PLXNA4: variants seen among roughly 807,000 people sequenced by gnomAD.
The protein encoded by PLXNA4 is plexin-A4.
Under a neutral mutation model 191.8 loss-of-function variants are expected in PLXNA4, and 44 were observed. That is an observed-to-expected ratio of 0.23 (90% CI 0.18 to 0.29). The LOEUF is 0.29. PLXNA4 is among the 10% of genes least tolerant of loss of function. The pLI, the probability that PLXNA4 is intolerant of heterozygous loss-of-function variation, is 1.00. For synonymous variants in PLXNA4, 1,082 were observed against 1,009.5 expected, an observed-to-expected ratio of 1.07 and a Z score of -1.36; for missense variants, 1,800 against 2,488.8, an observed-to-expected ratio of 0.72 and a Z score of 5.89.
At position 132,187,523 on chromosome 7, in the gene PLXNA4, C is replaced by A. The variant is rs756321086; in HGVS notation, c.2941G>T (p.Ala981Ser). 1.9e-6 allele frequency: 3 copies of A among 1,614,168 alleles called. No individual in the cohort carries two copies. The East Asian group carries it at 6.7e-5, about 36-fold the overall frequency. ...QVTITGTNLN[A>S]GSNVVVMFGK... ...AACATCACCACCACGTTGCTTCCGG[C>A]ATTCAGGTTGGTGCCTGTGATGGTC... Residue 981 changes from alanine to serine, a missense_variant, in exon 15 of 32, where the codon GCC becomes TCC. Ala to Ser is a moderately conservative substitution (Grantham distance 99). Coordinates refer to ENST00000321063, the MANE Select transcript of PLXNA4 (RefSeq NM_020911.2).
At chr7:132,334,554 C>A (rs370444168) in intron 3 of PLXNA4, among the ~76,000 whole-genome samples, 15 of 152,094 alleles carry the variant, frequency 9.9e-5, no homozygotes, top group African/African-American at 3.4e-4. Flanking sequence ...CTTACAGGTG[C>A]CCAGCTGAGA....
chr7:132,599,989 T>G (rs527626648), intron 2 of PLXNA4, among the ~76,000 whole-genome samples: 15 of 152,332 alleles, frequency 9.8e-5, no homozygotes, highest in African/African-American at 2.9e-4. Context: ...GTTAATAGAT[T>G]TTTCTTTTGT....
At chr7:132,196,456 T>C (rs1797257850) in intron 13 of PLXNA4, among the ~76,000 whole-genome samples, 2 of 152,274 alleles carry the variant, frequency 1.3e-5, no homozygotes, top group Non-Finnish European at 1.5e-5. Flanking sequence ...GATTCTTCTA[T>C]AATATCAGAT....
intron 4 of PLXNA4, among the ~76,000 whole-genome samples, chr7:132,270,267 G>A (rs1231575168): frequency 6.6e-6 from 1 of 152,050 alleles, no homozygotes; most frequent in Admixed American, 6.6e-5. Flanking sequence ...TATATACCGC[G>A]GGAATAGTTT....
chr7:132,342,939 T>G (rs1472813079), intron 3 of PLXNA4, among the ~76,000 whole-genome samples: 1 of 121,774 alleles, frequency 8.2e-6, no homozygotes, highest in African/African-American at 3.5e-5. Context: ...AGAGTGAGAC[T>G]CTGCCTCAAA....
rs377241563 is a variant in PLXNA4 at position 132,174,856 on chromosome 7, C to T, written c.3939G>A (p.Pro1313=). ...LTSDLDGAGI[P]FLDYRTYTMR... is the part of the protein sequence containing the mutation. Reference sequence around the variant, plus strand: ...TGGTGTAAGTTCTATAGTCCAGGAACGGAATCCCGGCTCCATCCAGGTCAC... The same window carrying T: ...TGGTGTAAGTTCTATAGTCCAGGAATGGAATCCCGGCTCCATCCAGGTCAC... The change falls in exon 21 of 32, where the codon CCG becomes CCA. Residue 1313 remains proline (P), a synonymous_variant. Coordinates refer to ENST00000321063, the MANE Select transcript of PLXNA4 (RefSeq NM_020911.2). The T allele has an allele frequency of 2.4e-5, 39 of 1,614,076 alleles. No homozygotes were observed. Among genetic ancestry groups the T allele is most frequent in the East Asian group, 6.7e-5 (3 of 44,894 alleles).
chr7:132,462,755 T>G (rs988293545), intron 3 of PLXNA4, among the ~76,000 whole-genome samples: 2 of 152,046 alleles, frequency 1.3e-5, no homozygotes, highest in Non-Finnish European at 2.9e-5. Flanking sequence ...AATAATTTTT[T>G]GAAGATGATA....
chr7:132,215,123 C>T (rs1190336302), intron 9 of PLXNA4, among the ~76,000 whole-genome samples: 1 of 152,194 alleles, frequency 6.6e-6, no homozygotes, highest in Non-Finnish European at 1.5e-5. Flanking sequence ...GCTTATTCCA[C>T]TCCTCTGGGC....
At chr7:132,369,082 C>T (rs1184984442) in intron 3 of PLXNA4, among the ~76,000 whole-genome samples, 2 of 152,182 alleles carry the variant, frequency 1.3e-5, no homozygotes, top group Non-Finnish European at 2.9e-5. Context: ...ATGTGTCTGG[C>T]TGCTCAGAGC....
At chr7:132,149,573 A>C (rs957139263) in intron 25 of PLXNA4, among the ~76,000 whole-genome samples, 1 of 152,338 alleles carries the variant, frequency 6.6e-6, no homozygotes, top group African/African-American at 2.4e-5. Context: ...GACATATACC[A>C]GAAAGGAAAA....
chr7:132,240,996 CAG>C, intron 5 of PLXNA4, 68 bp downstream of exon 5: 1 of 1,113,908 alleles, frequency 9.0e-7, no homozygotes, highest in East Asian at 2.6e-5. Context: ...GCAGTGATGA[CAG>C]AGAAGCAGAG....
chr7:132,619,352 T>C (rs1262845313), intron 2 of PLXNA4, among the ~76,000 whole-genome samples: 2 of 152,182 alleles, frequency 1.3e-5, no homozygotes, highest in African/African-American at 4.8e-5. Flanking sequence ...CTCACGACCA[T>C]GCATACCTGT....
chr7:132,137,897 G>A (rs74574967), intron 30 of PLXNA4, among the ~76,000 whole-genome samples: 14 of 151,598 alleles, frequency 9.2e-5, no homozygotes, highest in South Asian at 2.1e-4. Flanking sequence ...GTGGGAGGAC[G>A]GATGAGAGGA....
rs545553238 is a variant in PLXNA4 at position 132,124,994 on chromosome 7, C to A, written c.*5485G>T. The A allele has an allele frequency of 4.5e-5, 2 of 44,320 alleles. No individual in the cohort carries two copies. The highest frequency in any genetic ancestry group is 1.1e-3 in the South Asian group (1 of 888). The allele number at this position is 44,320 out of a possible 1,614,324, so 2.7% of individuals were successfully genotyped here. A position where few individuals can be genotyped will look rare whatever the true frequency, so the allele number is the denominator to read the frequency against. ...TATATACTTTTAAAACTTGGATACTCCCTCTAATAAAATAATTTTATGGGG... is the reference window on the plus strand; with the variant it reads ...TATATACTTTTAAAACTTGGATACTACCTCTAATAAAATAATTTTATGGGG... On this transcript the variant is annotated 3_prime_UTR_variant, in exon 32 of 32. Coordinates refer to ENST00000321063, the MANE Select transcript of PLXNA4 (RefSeq NM_020911.2).
intron 1 of PLXNA4, among the ~76,000 whole-genome samples, chr7:132,518,631 G>T (rs1373761286): frequency 6.6e-6 from 1 of 152,218 alleles, no homozygotes; most frequent in African/African-American, 2.4e-5. Context: ...GGGAAATCCA[G>T]CACCAAGCTC....
At chr7:132,201,250 G>A (rs895572759) in intron 12 of PLXNA4, among the ~76,000 whole-genome samples, 3 of 151,394 alleles carry the variant, frequency 2.0e-5, no homozygotes, top group East Asian at 1.9e-4. Flanking sequence ...GATCTTGACC[G>A]TCTACCTCCT....
chr7:132,468,747 C>T (rs1361697463), intron 3 of PLXNA4, among the ~76,000 whole-genome samples: 4 of 152,014 alleles, frequency 2.6e-5, no homozygotes, highest in Non-Finnish European at 5.9e-5. Flanking sequence ...CACACACACA[C>T]ACACACACAA....
At chr7:132,138,657 G>C (rs1795182268) in intron 30 of PLXNA4, among the ~76,000 whole-genome samples, 1 of 152,226 alleles carries the variant, frequency 6.6e-6, no homozygotes, top group African/African-American at 2.4e-5. Flanking sequence ...GAAAGTGTCA[G>C]TGGTTGCTAA....
At chr7:132,290,973 C>T (rs1289028224) in intron 4 of PLXNA4, among the ~76,000 whole-genome samples, 1 of 152,216 alleles carries the variant, frequency 6.6e-6, no homozygotes, top group African/African-American at 2.4e-5. Flanking sequence ...AGCTCTTTTA[C>T]ATGGAATATC....
Sources: allele counts gnomAD v4.1 joint callset (sites outside exome capture counted in the v4.1 genomes callset), GRCh38; gene constraint gnomAD v4.1.1; transcripts MANE v1.5; gene names NCBI Gene and HGNC (gene_info 2026-07-23, HGNC 2026-07-21).